The following GLRA2 variants were observed in gnomAD, a reference collection of about 807,000 sequenced individuals.
GLRA2 encodes glycine receptor subunit alpha-2.
A neutral mutation model predicts 31.6 loss-of-function variants in GLRA2; 11 were observed. The observed-to-expected ratio is 0.35, with a 90% CI of 0.22 to 0.58. GLRA2 has a LOEUF of 0.58. GLRA2 is among the 20% of genes least tolerant of loss of function. The pLI is 0.84. For missense variants in GLRA2, 212 were observed against 351.8 expected (o/e 0.60, Z 3.18); for synonymous variants, 132 against 134.0 (o/e 0.99, Z 0.10).
At chrX:14,626,098 GATT>G (rs2090586177) in intron 7 of GLRA2, among the ~76,000 whole-genome samples, 1 of 112,082 alleles carries the variant, frequency 8.9e-6, no homozygotes, top group Non-Finnish European at 1.9e-5. Context: ...GCTTTACATA[GATT>G]ATCTCATGAC....
chrX:14,682,567 A>G (rs1327767790), intron 7 of GLRA2, among the ~76,000 whole-genome samples: 1 of 109,864 alleles, frequency 9.1e-6, no homozygotes, highest in South Asian at 3.8e-4. Context: ...TTTTTTAATT[A>G]TACTTTAAGT....
intron 2 of GLRA2, among the ~76,000 whole-genome samples, chrX:14,551,547 T>A (rs778541024): frequency 9.0e-6 from 1 of 111,469 alleles, no homozygotes; most frequent in East Asian, 2.8e-4. Flanking sequence ...ACTTCCTCCA[T>A]GGGCTACACA....
At chrX:14,666,056 C>CATAATA (rs10634976) in intron 7 of GLRA2, among the ~76,000 whole-genome samples, 25,493 of 110,288 alleles carry the variant, frequency 0.23, 2,323 homozygotes, top group African/African-American at 0.3. Flanking sequence ...ACACAAAATA[C>CATAATA]ATAATAATTG....
Position 14,730,760 on chromosome X carries a change from C to T in GLRA2, c.*275C>T, listed in dbSNP as rs1055280244. ...TGTTCTTTCAGTCAGACATGATATG[C>T]GCAACATTCAGACATGATATGCGCA... On this transcript the variant is annotated 3_prime_UTR_variant, in exon 9 of 9. Coordinates refer to ENST00000218075, the MANE Select transcript of GLRA2 (RefSeq NM_002063.4). 28 of 303,971 alleles carry T rather than the reference C, an allele frequency of 9.2e-5. No homozygotes were observed. Among genetic ancestry groups the T allele is most frequent in the Middle Eastern group, 9.6e-4 (1 of 1,039 alleles). The allele number at this position is 303,971 out of a possible 1,213,427, so 25.1% of individuals were successfully genotyped here.
intron 2 of GLRA2, among the ~76,000 whole-genome samples, chrX:14,573,659 T>C (rs1403325993): frequency 9.1e-6 from 1 of 109,456 alleles, no homozygotes; most frequent in Non-Finnish European, 1.9e-5. Flanking sequence ...AATGGACTCT[T>C]ATTGTGTCCA....
chrX:14,555,038 A>G (rs1459637703), intron 2 of GLRA2, among the ~76,000 whole-genome samples: 1 of 112,211 alleles, frequency 8.9e-6, no homozygotes, highest in African/African-American at 3.2e-5. Context: ...ATAATGCAAT[A>G]TTTCTCCAAT....
At chrX:14,699,163 T>C (rs2091497667) in intron 8 of GLRA2, among the ~76,000 whole-genome samples, 1 of 112,184 alleles carries the variant, frequency 8.9e-6, no homozygotes, top group Non-Finnish European at 1.9e-5. Context: ...TGTTTTAATG[T>C]TATCGCCTCT....
chrX:14,638,681 C>T (rs775932796), intron 7 of GLRA2, among the ~76,000 whole-genome samples: 20 of 110,675 alleles, frequency 1.8e-4, no homozygotes, highest in Middle Eastern at 4.7e-3. Flanking sequence ...CACACCAGCA[C>T]CTATATGCAT....
At chrX:14,553,271 T>C (rs1272589292) in intron 2 of GLRA2, among the ~76,000 whole-genome samples, 5 of 112,007 alleles carry the variant, frequency 4.5e-5, no homozygotes, top group Non-Finnish European at 9.4e-5. Context: ...AGATTCAGCC[T>C]TCAATTGCTG....
chrX:14,628,496 G>A (rs765148001), intron 7 of GLRA2, among the ~76,000 whole-genome samples: 11 of 111,733 alleles, frequency 9.8e-5, no homozygotes, highest in South Asian at 7.5e-4. Context: ...TCCCACTGTA[G>A]AGACAAATAT....
chrX:14,462,280 ATTT>A, the GLRA2 span, among the ~76,000 whole-genome samples: 1 of 108,707 alleles, frequency 9.2e-6, no homozygotes, highest in African/African-American at 3.3e-5. Flanking sequence ...TGCCCTTAAC[ATTT>A]TTTTTTCCTT....
Position 14,661,390 on chromosome X carries a change from T to TGAC in GLRA2, c.931-29319_931-29317dup, listed in dbSNP as rs754977821. Reference sequence around the variant, plus strand: ...CCAAGTTATTCTTGCTTTAAGAGGATGACTCATATTGATCAAAGAAGAGTT... The same window carrying TGAC: ...CCAAGTTATTCTTGCTTTAAGAGGATGACGACTCATATTGATCAAAGAAGAGTT... On this transcript the variant is annotated intron_variant, in intron 7 of 8. Coordinates refer to ENST00000218075, the MANE Select transcript of GLRA2 (RefSeq NM_002063.4). Among the ~76,000 whole-genome samples, 12 of 111,646 alleles carry TGAC rather than the reference T, an allele frequency of 1.1e-4. No individual in the cohort carries two copies. The East Asian group carries it at 2.2e-3, about 21-fold the overall frequency.
intron 7 of GLRA2, among the ~76,000 whole-genome samples, chrX:14,666,409 A>G (rs2091038822): frequency 8.9e-6 from 1 of 112,028 alleles, no homozygotes; most frequent in South Asian, 3.7e-4. Context: ...TTTTAAAGCA[A>G]GAATTGTAGC....
At chrX:14,678,608 A>G (rs1254237794) in intron 7 of GLRA2, among the ~76,000 whole-genome samples, 1 of 111,474 alleles carries the variant, frequency 9.0e-6, no homozygotes. Context: ...TTTAAATGAG[A>G]TGAATAAGAA....
rs765215929 is a variant in GLRA2 at position 14,608,947 on chromosome X, T to C, written c.716-44T>C. 6.7e-6 allele frequency: 4 copies of C among 597,846 alleles called. No homozygotes were observed. In the African/African-American group the frequency reaches 9.4e-5, roughly 14 times the overall value. 49.3% of individuals were successfully genotyped at this position (597,846 alleles called of 1,213,427 possible). A position where few individuals can be genotyped will look rare whatever the true frequency, so the allele number is the denominator to read the frequency against. Reference sequence around the variant, plus strand: ...CAACGTGGGATAATGGAATTGGAAATATAAATTCAGGCTGGACTTTAAATG... The same window carrying C: ...CAACGTGGGATAATGGAATTGGAAACATAAATTCAGGCTGGACTTTAAATG... On this transcript the variant is annotated intron_variant, in intron 6 of 8. Coordinates refer to ENST00000218075, the MANE Select transcript of GLRA2 (RefSeq NM_002063.4).
intron 7 of GLRA2, among the ~76,000 whole-genome samples, chrX:14,661,561 T>C (rs187596225): frequency 5.0e-4 from 56 of 111,936 alleles, no homozygotes; most frequent in Middle Eastern, 4.6e-3. Context: ...TAGATAACTT[T>C]ATTATAGCTT....
At chrX:14,476,354 ATTG>A in the GLRA2 span, among the ~76,000 whole-genome samples, 3 of 111,868 alleles carry the variant, frequency 2.7e-5, no homozygotes, top group South Asian at 1.1e-3. Flanking sequence ...TAATGAACAT[ATTG>A]GATTCAGCTG....
intron 7 of GLRA2, among the ~76,000 whole-genome samples, chrX:14,622,361 G>A (rs2090530987): frequency 8.9e-6 from 1 of 111,814 alleles, no homozygotes; most frequent in Non-Finnish European, 1.9e-5. Context: ...AAGCTCTTTA[G>A]TTTAATTAGA....
chrX:14,675,204 G>A (rs745712000), intron 7 of GLRA2, among the ~76,000 whole-genome samples: 2 of 111,453 alleles, frequency 1.8e-5, no homozygotes, highest in East Asian at 5.7e-4. Context: ...AGACTTAGAG[G>A]TGCCTTTCTG....
Sources: gnomAD v4.1 joint callset for allele counts (sites outside exome capture counted in the v4.1 genomes callset) on GRCh38, gnomAD v4.1.1 for gene constraint, MANE v1.5 for transcripts, NCBI Gene and HGNC (gene_info 2026-07-23, HGNC 2026-07-21) for gene names.